RNLS: variants seen among roughly 807,000 people sequenced by gnomAD.
RNLS encodes the protein renalase, FAD dependent amine oxidase, also known as renalase.
RNLS carries 39 observed loss-of-function variants against 39.8 expected under a neutral mutation model. That is an observed-to-expected ratio of 0.98 (90% CI 0.76 to 1.28). RNLS has a LOEUF of 1.28. Ranked by LOEUF, RNLS falls within the 50% of genes most tolerant of loss-of-function variation. The pLI, the probability that RNLS is intolerant of heterozygous loss-of-function variation, is 0.00. For synonymous variants in RNLS, 147 were observed against 150.7 expected (o/e 0.98, Z 0.18); for missense variants, 410 against 413.3 (o/e 0.99, Z 0.07).
chr10:88,245,317 G>A, the RNLS span, among the ~76,000 whole-genome samples: 2 of 152,214 alleles, frequency 1.3e-5, no homozygotes, highest in African/African-American at 4.8e-5. Context: ...AGATCTGAGA[G>A]CAAGGGTCTT....
chr10:88,557,053 GA>G (rs112214478), intron 4 of RNLS, among the ~76,000 whole-genome samples: 1 of 148,200 alleles, frequency 6.7e-6, no homozygotes, highest in Admixed American at 6.7e-5. Context: ...TCTGTAAAAT[GA>G]AAAAAAAATG....
chr10:88,315,983 GT>G (rs1241125109), intron 5 of RNLS, among the ~76,000 whole-genome samples: 7 of 152,162 alleles, frequency 4.6e-5, no homozygotes, highest in Non-Finnish European at 1.0e-4. Flanking sequence ...TGTGAGTCAT[GT>G]TTTGTGAAAG....
At chr10:88,420,531 C>G (rs1217316264) in intron 4 of RNLS, among the ~76,000 whole-genome samples, 1 of 152,168 alleles carries the variant, frequency 6.6e-6, no homozygotes. Context: ...TGGTTGCTGG[C>G]TTCTTTACTT....
At chr10:88,412,192 G>A (rs1853698999) in intron 4 of RNLS, among the ~76,000 whole-genome samples, 1 of 152,018 alleles carries the variant, frequency 6.6e-6, no homozygotes. Flanking sequence ...TCAGAGAGGA[G>A]GGCCTCAAGT....
chr10:88,434,423 G>C (rs904197261), intron 4 of RNLS, among the ~76,000 whole-genome samples: 2 of 152,174 alleles, frequency 1.3e-5, no homozygotes, highest in African/African-American at 4.8e-5. Flanking sequence ...GTGAGGTTTT[G>C]CAGTGTGGAG....
chr10:88,271,175 G>A (rs1406627930), downstream of RNLS, among the ~76,000 whole-genome samples: 3 of 152,162 alleles, frequency 2.0e-5, no homozygotes, highest in African/African-American at 7.2e-5. Context: ...TTTGGTTTGA[G>A]GTGAAGGAGG....
chr10:88,203,422 GTATA>G, the RNLS span, among the ~76,000 whole-genome samples: 1 of 89,084 alleles, frequency 1.1e-5, no homozygotes, highest in Non-Finnish European at 2.1e-5. Context: ...ACACGTATGT[GTATA>G]TATATATATA....
intron 4 of RNLS, among the ~76,000 whole-genome samples, chr10:88,446,091 G>T (rs1242454132): frequency 6.6e-6 from 1 of 152,116 alleles, no homozygotes; most frequent in Non-Finnish European, 1.5e-5. Flanking sequence ...AGATGTAAAA[G>T]AACAGAAATT....
chr10:88,309,221 C>G (rs748475794), intron 6 of RNLS, among the ~76,000 whole-genome samples: 2 of 152,038 alleles, frequency 1.3e-5, no homozygotes, highest in Non-Finnish European at 2.9e-5. Flanking sequence ...CAACAAACCC[C>G]TATGATACAA....
intron 4 of RNLS, among the ~76,000 whole-genome samples, chr10:88,416,481 G>A (rs368702089): frequency 6.6e-6 from 1 of 152,080 alleles, no homozygotes; most frequent in Admixed American, 6.6e-5. Context: ...TCAAATTCCA[G>A]ACCTCAGGTG....
At chr10:88,295,736 C>T (rs1166893976) in intron 6 of RNLS, among the ~76,000 whole-genome samples, 1 of 152,070 alleles carries the variant, frequency 6.6e-6, no homozygotes, top group Non-Finnish European at 1.5e-5. Context: ...GCAGAATGTG[C>T]CACAAATCAA....
At chr10:88,471,832 T>C (rs1260106771) in intron 4 of RNLS, among the ~76,000 whole-genome samples, 2 of 152,146 alleles carry the variant, frequency 1.3e-5, no homozygotes, top group African/African-American at 4.8e-5. Context: ...ATGCTCAATG[T>C]TGCCAACCAG....
At chr10:88,551,151 C>T (rs1415921785) in intron 4 of RNLS, among the ~76,000 whole-genome samples, 1 of 152,136 alleles carries the variant, frequency 6.6e-6, no homozygotes, top group East Asian at 1.9e-4. Flanking sequence ...TGCCTGATGT[C>T]CCCAGGCCAC....
chr10:88,178,410 G>A, the RNLS span, among the ~76,000 whole-genome samples: 1 of 151,654 alleles, frequency 6.6e-6, no homozygotes, highest in Non-Finnish European at 1.5e-5. Flanking sequence ...GCTCCAGGTA[G>A]CTCCCCAGTA....
intron 4 of RNLS, among the ~76,000 whole-genome samples, chr10:88,491,416 G>A (rs886981521): frequency 6.6e-6 from 1 of 152,044 alleles, no homozygotes; most frequent in Non-Finnish European, 1.5e-5. Flanking sequence ...GTGCATACAA[G>A]GGAGCTTCTA....
At chr10:88,493,462 G>A (rs548356292) in intron 4 of RNLS, among the ~76,000 whole-genome samples, 1 of 151,872 alleles carries the variant, frequency 6.6e-6, no homozygotes, top group South Asian at 2.1e-4. Flanking sequence ...GCTACAATAT[G>A]ACATCAATTA....
chr10:88,485,043 A>C (rs996944749), intron 4 of RNLS, among the ~76,000 whole-genome samples: 7 of 151,882 alleles, frequency 4.6e-5, no homozygotes, highest in African/African-American at 1.4e-4. Flanking sequence ...CGTTAATTGT[A>C]TCCAAATTTA....
intron 6 of RNLS, among the ~76,000 whole-genome samples, chr10:88,291,703 GT>G (rs776646618): frequency 3.3e-5 from 5 of 151,870 alleles, no homozygotes; most frequent in Admixed American, 6.6e-5. Context: ...ATTCTTTACT[GT>G]TTTTTTTCTC....
the RNLS span, among the ~76,000 whole-genome samples, chr10:88,233,009 A>T: frequency 6.6e-6 from 1 of 152,212 alleles, no homozygotes; most frequent in African/African-American, 2.4e-5. Context: ...TGATGCAGAA[A>T]CGGAGGCCCA....
Sources: gnomAD v4.1 joint callset for allele counts (sites outside exome capture counted in the v4.1 genomes callset) on GRCh38, gnomAD v4.1.1 for gene constraint, MANE v1.5 for transcripts, NCBI Gene and HGNC (gene_info 2026-07-23, HGNC 2026-07-21) for gene names.